Variants in CCDC178 observed in about 807,000 individuals in gnomAD.
CCDC178 encodes the protein coiled-coil domain containing 178, also known as coiled-coil domain-containing protein 178.
CCDC178 carries 126 observed loss-of-function variants against 117.4 expected under a neutral mutation model. That is an observed-to-expected ratio of 1.07 (90% confidence interval 0.93 to 1.24). The LOEUF (loss-of-function observed/expected upper bound fraction) is 1.24. CCDC178 is among the 50% of genes most tolerant of loss of function. The pLI is 0.00. For missense variants in CCDC178, 1,030 were observed against 986.9 expected, an observed-to-expected ratio of 1.04 and a Z score of -0.59; for synonymous variants, 283 against 313.4, an observed-to-expected ratio of 0.90 and a Z score of 1.02.
intron 20 of CCDC178, among the ~76,000 whole-genome samples, chr18:33,118,955 T>C (rs901670169): frequency 2.0e-5 from 3 of 152,258 alleles, no homozygotes; most frequent in East Asian, 3.9e-4. Context: ...CCCTATTTAA[T>C]AAATGATGCT....
At chr18:33,157,543 C>A (rs993924557) in intron 20 of CCDC178, among the ~76,000 whole-genome samples, 4 of 152,042 alleles carry the variant, frequency 2.6e-5, no homozygotes, top group Non-Finnish European at 5.9e-5. Flanking sequence ...AACATCAGCA[C>A]AATTTTTCTC....
intron 22 of CCDC178, among the ~76,000 whole-genome samples, chr18:32,947,360 A>G (rs1294405974): frequency 3.3e-5 from 5 of 152,200 alleles, no homozygotes; most frequent in Admixed American, 6.5e-5. Context: ...ATCCTAGCCA[A>G]CTTTTAATAT....
At chr18:33,027,670 A>G (rs1471589206) in intron 21 of CCDC178, among the ~76,000 whole-genome samples, 1 of 151,734 alleles carries the variant, frequency 6.6e-6, no homozygotes, top group Admixed American at 6.6e-5. Flanking sequence ...AAGATATATC[A>G]ATTCTAGTTA....
chr18:33,415,349 C>T (rs542985820), intron 2 of CCDC178, among the ~76,000 whole-genome samples: 20 of 152,254 alleles, frequency 1.3e-4, no homozygotes, highest in African/African-American at 4.6e-4. Flanking sequence ...GGCACATATA[C>T]ACTATGGAAT....
At chr18:33,112,724 G>A (rs1375144309) in intron 20 of CCDC178, among the ~76,000 whole-genome samples, 1 of 151,880 alleles carries the variant, frequency 6.6e-6, no homozygotes, top group East Asian at 1.9e-4. Flanking sequence ...GGGGGAACAA[G>A]ATCAGCACTT....
intron 19 of CCDC178, among the ~76,000 whole-genome samples, chr18:33,214,731 C>T (rs2059145840): frequency 6.6e-6 from 1 of 151,868 alleles, no homozygotes; most frequent in Non-Finnish European, 1.5e-5. Flanking sequence ...AAGTTTTACT[C>T]TATGATAATA....
At chr18:33,227,618 A>G (rs1760882629) in intron 15 of CCDC178, among the ~76,000 whole-genome samples, 2 of 149,802 alleles carry the variant, frequency 1.3e-5, no homozygotes, top group African/African-American at 4.9e-5. Context: ...AAGGAGGAAC[A>G]ATAAAAATTC....
intron 21 of CCDC178, among the ~76,000 whole-genome samples, chr18:33,030,522 A>AAGATAGATAGATAGATAGATACAT (rs1555630246): frequency 0.01 from 1,445 of 140,874 alleles, 25 homozygotes; most frequent in African/African-American, 0.037. Context: ...GAACTGATAG[A>AAGATAGATAGATAGATAGATACAT]AGATAGATAG....
chr18:33,313,048 C>T (rs1003713417), intron 11 of CCDC178, among the ~76,000 whole-genome samples: 1 of 152,184 alleles, frequency 6.6e-6, no homozygotes, highest in Non-Finnish European at 1.5e-5. Flanking sequence ...GGTGTAAAAG[C>T]TGGTGCTCTT....
chr18:33,398,922 C>T (rs983020048), intron 3 of CCDC178, among the ~76,000 whole-genome samples: 1 of 152,114 alleles, frequency 6.6e-6, no homozygotes, highest in Non-Finnish European at 1.5e-5. Context: ...TAAAAAGATA[C>T]TTTAATTAAC....
intron 21 of CCDC178, among the ~76,000 whole-genome samples, chr18:33,084,339 G>T (rs187358824): frequency 2.0e-5 from 3 of 152,288 alleles, no homozygotes; most frequent in African/African-American, 7.2e-5. Flanking sequence ...GTTGGGTATT[G>T]CTATGGCATG....
intron 20 of CCDC178, among the ~76,000 whole-genome samples, chr18:33,199,259 A>T (rs2058966316): frequency 6.6e-6 from 1 of 152,110 alleles, no homozygotes; most frequent in African/African-American, 2.4e-5. Flanking sequence ...CTCCATGCTT[A>T]TGTGAAAATA....
chr18:33,416,115 C>T (rs2063936333), intron 2 of CCDC178, among the ~76,000 whole-genome samples: 1 of 152,100 alleles, frequency 6.6e-6, no homozygotes, highest in South Asian at 2.1e-4. Context: ...CATCTCTACT[C>T]CAGCTAAACA....
chr18:33,060,191 A>C (rs988029252), intron 21 of CCDC178, among the ~76,000 whole-genome samples: 2 of 152,136 alleles, frequency 1.3e-5, no homozygotes, highest in African/African-American at 4.8e-5. Context: ...TTATGAACAA[A>C]AGCCATTACA....
chr18:33,415,068 T>C (rs1036320139), intron 2 of CCDC178, among the ~76,000 whole-genome samples: 1 of 152,274 alleles, frequency 6.6e-6, no homozygotes, highest in South Asian at 2.1e-4. Context: ...CTGGAGAGGA[T>C]GGGGAGAAAT....
intron 5 of CCDC178, among the ~76,000 whole-genome samples, chr18:33,382,961 C>T (rs756830227): frequency 1.6e-4 from 25 of 152,116 alleles, no homozygotes; most frequent in Non-Finnish European, 2.8e-4. Context: ...CTGGAGTTGC[C>T]CTGGGATGAC....
chr18:33,074,001 T>C (rs1406100816), intron 21 of CCDC178, among the ~76,000 whole-genome samples: 1 of 151,930 alleles, frequency 6.6e-6, no homozygotes, highest in African/African-American at 2.4e-5. Flanking sequence ...GGTCCCTATA[T>C]TGGGAATGAG....
chr18:33,196,712 C>G (rs2058935040), intron 20 of CCDC178, among the ~76,000 whole-genome samples: 1 of 152,030 alleles, frequency 6.6e-6, no homozygotes, highest in Non-Finnish European at 1.5e-5. Context: ...AATTATGGTA[C>G]TACATTTTAT....
chr18:33,000,154 T>A (rs1338153670), intron 21 of CCDC178, among the ~76,000 whole-genome samples: 6 of 150,562 alleles, frequency 4.0e-5, no homozygotes, highest in Non-Finnish European at 7.4e-5. Context: ...TTGAAATAAT[T>A]AAAAAGAACC....
Sources: gnomAD v4.1 joint callset for allele counts (sites outside exome capture counted in the v4.1 genomes callset) on GRCh38, gnomAD v4.1.1 for gene constraint, MANE v1.5 for transcripts, NCBI Gene and HGNC (gene_info 2026-07-23, HGNC 2026-07-21) for gene names.